Variants in NFASC observed in about 807,000 individuals in gnomAD.
NFASC encodes the protein neurofascin, also known as neurofascin homolog.
In NFASC, 43 loss-of-function variants were observed where a neutral mutation model predicts 147.5. That is an observed-to-expected ratio of 0.29 (90% confidence interval 0.23 to 0.38). The LOEUF (loss-of-function observed/expected upper bound fraction) is 0.38, where lower values mean the gene tolerates loss of function less well. Ranked by LOEUF, NFASC falls within the 10% of genes least tolerant of loss-of-function variation. The pLI, the probability that NFASC is intolerant of heterozygous loss-of-function variation, is 1.00. For synonymous variants in NFASC, 622 were observed against 665.5 expected (o/e 0.93, Z 1.01); for missense variants, 1,320 against 1,689.0 (o/e 0.78, Z 3.83).
intron 2 of NFASC, among the ~76,000 whole-genome samples, chr1:204,933,726 T>G (rs1573287070): frequency 6.6e-5 from 9 of 136,726 alleles, no homozygotes; most frequent in Admixed American, 1.5e-4. Context: ...GCATGAGGAG[T>G]GAATGGGAAA....
chr1:204,886,805 T>C (rs969644223), intron 1 of NFASC, among the ~76,000 whole-genome samples: 1 of 152,202 alleles, frequency 6.6e-6, no homozygotes, highest in East Asian at 1.9e-4. Flanking sequence ...TCTAGTGCTC[T>C]AAAATGATCA....
intron 1 of NFASC, among the ~76,000 whole-genome samples, chr1:204,899,211 T>G (rs1178235141): frequency 6.6e-6 from 1 of 152,224 alleles, no homozygotes; most frequent in Non-Finnish European, 1.5e-5. Context: ...CTTTGGAACA[T>G]GACAATCTGC....
intron 28 of NFASC, chr1:205,011,035 G>A (rs2096245238): frequency 6.6e-6 from 1 of 152,182 alleles, no homozygotes; most frequent in Non-Finnish European, 1.5e-5. Context: ...ATCTGTCTGT[G>A]ATGGGGTGGG....
intron 1 of NFASC, among the ~76,000 whole-genome samples, chr1:204,877,008 A>ATATATATATATATATATAATATATATT (rs2078962206): frequency 2.7e-5 from 3 of 110,434 alleles, no homozygotes; most frequent in Non-Finnish European, 4.9e-5. Flanking sequence ...ATATATATAT[A>ATATATATATATATATATAATATATATT]TATATATATA....
intron 23 of NFASC, 98 bp from the exon 24 acceptor site, chr1:204,991,194 G>A: frequency 1.4e-6 from 2 of 1,420,644 alleles, no homozygotes; most frequent in South Asian, 2.4e-5. Context: ...AACCTTCCCT[G>A]CTTTCCTTGT....
At chr1:204,997,620 C>T (rs755069635) in intron 25 of NFASC, 6 of 638,074 alleles carry the variant, frequency 9.4e-6, no homozygotes, top group South Asian at 1.8e-5. Flanking sequence ...CTGACACACA[C>T]ACACTCCTTG....
chr1:204,838,323 T>C (rs1268176281), intron 1 of NFASC, among the ~76,000 whole-genome samples: 2 of 152,196 alleles, frequency 1.3e-5, no homozygotes, highest in Middle Eastern at 3.2e-3. Context: ...GCCACTTACC[T>C]CTCCTTATTG....
At position 204,977,448 on chromosome 1, in the gene NFASC, G is replaced by A. The variant is rs537773027; in HGVS notation, c.1832-233G>A. ...TTGCAGAGAGGGTGGGCCCAGACAC[G>A]ATAGTCACATTGGGATGGTAAGGAA... On this transcript the variant is annotated intron_variant, in intron 16 of 29. Coordinates refer to ENST00000339876, the MANE Select transcript of NFASC (RefSeq NM_001005388.3). Among the ~76,000 whole-genome samples the A allele has an allele frequency of 3.9e-5, 6 of 152,320 alleles. No homozygotes were observed. The South Asian group carries it at 1.0e-3, about 26-fold the overall frequency.
chr1:204,976,939 T>C, intron 16 of NFASC, 144 bp downstream of exon 16: 1 of 1,430,850 alleles, frequency 7.0e-7, no homozygotes, highest in Admixed American at 2.8e-5. Flanking sequence ...TGCCTCGTGA[T>C]GTCAGGGTTA....
Position 204,979,672 on chromosome 1 carries a change from C to A in NFASC, c.2176+113C>A. The A allele has an allele frequency of 1.1e-6, 1 of 936,764 alleles. No homozygotes were observed. Among genetic ancestry groups the A allele is most frequent in the South Asian group, 1.4e-5 (1 of 72,688 alleles). 58.0% of individuals were successfully genotyped at this position (936,764 alleles called of 1,614,324 possible). ...TTAGGTTACTTAACTTCTCCAAGGC[C>A]CGGCCTCATCTGTGAGGCAGAGAGT... On this transcript the variant is annotated intron_variant, in intron 19 of 29. Transcript: ENST00000339876. The surrounding 1 kb of genome is among the most constrained non-coding windows in gnomAD (Gnocchi z 6.0).
At chr1:204,880,888 T>G (rs1172380098) in intron 1 of NFASC, among the ~76,000 whole-genome samples, 1 of 152,214 alleles carries the variant, frequency 6.6e-6, no homozygotes, top group Non-Finnish European at 1.5e-5. Flanking sequence ...CCTTGCTGAC[T>G]GAGACAGGAG....
intron 1 of NFASC, among the ~76,000 whole-genome samples, chr1:204,920,142 A>G (rs2090146312): frequency 6.6e-6 from 1 of 152,226 alleles, no homozygotes; most frequent in Admixed American, 6.5e-5. Flanking sequence ...TAAAATTTGC[A>G]TCTCCTGACC....
In NFASC at chr1:205,019,796, CTT is replaced by C. The variant is rs1156450896; in HGVS notation, c.*3259_*3260del. The C allele has an allele frequency of 1.3e-5, 2 of 152,270 alleles. No individual in the cohort carries two copies. The highest frequency in any genetic ancestry group is 2.9e-5 in the Non-Finnish European group (2 of 68,082). 9.4% of individuals were successfully genotyped at this position (152,270 alleles called of 1,614,324 possible). On this transcript the variant is annotated 3_prime_UTR_variant, in exon 30 of 30. Coordinates refer to ENST00000339876, the MANE Select transcript of NFASC (RefSeq NM_001005388.3). Reference sequence around the variant, plus strand: ...AGAAACAGTCCTGCTTCCTGAGCCTCTTTGCTCTGCCTCTTGGGGCAAGCTCC... The same window carrying C: ...AGAAACAGTCCTGCTTCCTGAGCCTCTGCTCTGCCTCTTGGGGCAAGCTCC...
intron 1 of NFASC, among the ~76,000 whole-genome samples, chr1:204,836,482 G>A (rs1008676974): frequency 3.9e-5 from 6 of 152,224 alleles, no homozygotes; most frequent in Non-Finnish European, 7.3e-5. Context: ...AGACCAGCCA[G>A]AGTTTTATTT....
intron 24 of NFASC, among the ~76,000 whole-genome samples, chr1:204,992,430 C>T (rs2095756242): frequency 6.6e-6 from 1 of 152,164 alleles, no homozygotes; most frequent in Non-Finnish European, 1.5e-5. Context: ...TACCCTGCTT[C>T]CTTCAGTTTG....
intron 1 of NFASC, among the ~76,000 whole-genome samples, chr1:204,890,860 G>T (rs542840093): frequency 6.6e-6 from 1 of 151,878 alleles, no homozygotes; most frequent in Admixed American, 6.5e-5. Flanking sequence ...GTGAGCCACC[G>T]CACCTGGCCA....
At chr1:205,011,869 G>A (rs964179921) in intron 28 of NFASC, among the ~76,000 whole-genome samples, 1 of 151,868 alleles carries the variant, frequency 6.6e-6, no homozygotes, top group African/African-American at 2.4e-5. Flanking sequence ...ACCTGAGGTC[G>A]GGAGTTCAAG....
chr1:204,838,359 TTAGAG>T lies in NFASC; in HGVS notation c.-200+9580_-200+9584del, dbSNP rs572685201. Among the ~76,000 whole-genome samples the T allele has an allele frequency of 7.3e-3, 1,113 of 152,352 alleles. 9 individuals are homozygous for T. Among genetic ancestry groups the T allele is most frequent in the African/African-American group, 0.026 (1,061 of 41,584 alleles). On this transcript the variant is annotated intron_variant, in intron 1 of 29. Coordinates refer to ENST00000339876, the MANE Select transcript of NFASC (RefSeq NM_001005388.3). ...ATCCTCATACCTAAGCCTCTCTGAC[TTAGAG>T]TAAAGTGGACTTTTGAGTGGGGGTA... is the stretch of plus-strand genomic sequence containing the variant.
intron 13 of NFASC, 73 bp downstream of exon 13, chr1:204,974,363 A>T: frequency 8.3e-7 from 1 of 1,207,222 alleles, no homozygotes; most frequent in Non-Finnish European, 1.2e-6. Flanking sequence ...TCTGGCCCAT[A>T]GTAGGTGTTC....
Sources: allele counts gnomAD v4.1 joint callset (sites outside exome capture counted in the v4.1 genomes callset), GRCh38; gene constraint gnomAD v4.1.1; non-coding constraint Gnocchi (gnomAD v3.1); transcripts MANE v1.5; gene names NCBI Gene and HGNC (gene_info 2026-07-23, HGNC 2026-07-21).